RPE65: variants seen among roughly 807,000 people sequenced by gnomAD.
The protein encoded by RPE65 is retinoid isomerohydrolase.
RPE65 carries 58 observed loss-of-function variants against 68.5 expected under a neutral mutation model. That is an observed-to-expected ratio of 0.85 (90% CI 0.69 to 1.05). RPE65 has a LOEUF of 1.05. Among genes scored for constraint, RPE65 ranks in the 50% least tolerant of loss-of-function variants. The probability of loss-of-function intolerance (pLI) is 0.00; values close to 1 mark genes in which losing one functional copy is unlikely to be tolerated. For synonymous variants in RPE65, 220 were observed against 222.2 expected, an observed-to-expected ratio of 0.99 and a Z score of 0.09; for missense variants, 643 against 629.9, an observed-to-expected ratio of 1.02 and a Z score of -0.22.
chr1:68,441,094 C>T (rs1645899599), intron 5 of RPE65, 94 bp from the exon 6 acceptor site: 1 of 1,431,324 alleles, frequency 7.0e-7, no homozygotes, highest in South Asian at 1.2e-5. Context: ...CCCTTGAACT[C>T]TCATCCTAAG....
chr1:68,446,867 T>C lies in RPE65; in HGVS notation c.95-7A>G, dbSNP rs1291492578. ...AGCCAGAGGGGGATCCTGCCTGTGATGAAGGGGAGACAGAACATTGCTTCT... is the reference window on the plus strand; with the variant it reads ...AGCCAGAGGGGGATCCTGCCTGTGACGAAGGGGAGACAGAACATTGCTTCT... On this transcript the variant is annotated splice_polypyrimidine_tract_variant and splice_region_variant and intron_variant, in intron 2 of 13. Transcript: ENST00000262340. The C allele has an allele frequency of 6.2e-7, 1 of 1,613,136 alleles. No individual in the cohort carries two copies. Among genetic ancestry groups the C allele is most frequent in the East Asian group, 2.2e-5 (1 of 44,882 alleles).
At chr1:68,434,539 G>A (rs985024390) in intron 10 of RPE65, among the ~76,000 whole-genome samples, 3 of 152,012 alleles carry the variant, frequency 2.0e-5, no homozygotes, top group East Asian at 3.9e-4. Context: ...TAAGGGACTC[G>A]AGGTACTTAG....
At chr1:68,439,855 C>T (rs971230955) in intron 6 of RPE65, among the ~76,000 whole-genome samples, 5 of 152,114 alleles carry the variant, frequency 3.3e-5, no homozygotes, top group Admixed American at 6.6e-5. Flanking sequence ...GATTTGGAAA[C>T]GTGCACTCAA....
At chr1:68,447,327 A>AG (rs747579085) in intron 2 of RPE65, among the ~76,000 whole-genome samples, 68 of 152,358 alleles carry the variant, frequency 4.5e-4, no homozygotes, top group Non-Finnish European at 7.6e-4. Flanking sequence ...AAATGAAAAA[A>AG]CAGGAATCCT....
intron 10 of RPE65, among the ~76,000 whole-genome samples, chr1:68,433,986 G>A (rs1645843602): frequency 6.6e-6 from 1 of 151,918 alleles, no homozygotes; most frequent in African/African-American, 2.4e-5. Flanking sequence ...GGAAATTGCA[G>A]TAGGGCAAGT....
At chr1:68,435,755 A>G (rs1316507834) in intron 10 of RPE65, among the ~76,000 whole-genome samples, 4 of 152,150 alleles carry the variant, frequency 2.6e-5, no homozygotes, top group Non-Finnish European at 4.4e-5. Context: ...AATCTCCCCT[A>G]CATTATCATC....
intron 1 of RPE65, 148 bp downstream of exon 1, chr1:68,449,747 A>C (rs1645969585): frequency 1.1e-6 from 1 of 876,286 alleles, no homozygotes; most frequent in East Asian, 2.5e-5. Context: ...GCTTTAATAC[A>C]TAAGCAGGAA....
intron 2 of RPE65, among the ~76,000 whole-genome samples, chr1:68,447,634 G>C (rs1645951880): frequency 6.6e-6 from 1 of 152,190 alleles, no homozygotes; most frequent in African/African-American, 2.4e-5. Context: ...GGCCTAGGCG[G>C]GCGGATCACG....
chr1:68,442,220 G>A (rs1571168418), intron 5 of RPE65, among the ~76,000 whole-genome samples: 1 of 152,066 alleles, frequency 6.6e-6, no homozygotes, highest in African/African-American at 2.4e-5. Flanking sequence ...CCCAGACTGA[G>A]GGATGAGGCA....
In RPE65 at chr1:68,437,497, C is replaced by T. The variant is rs937700513; in HGVS notation, c.1128+690G>A. Among the ~76,000 whole-genome samples, 3 of 152,170 alleles carry T rather than the reference C, an allele frequency of 2.0e-5. No homozygotes were observed. The South Asian group carries it at 6.2e-4, about 31-fold the overall frequency. On this transcript the variant is annotated intron_variant, in intron 10 of 13. Coordinates refer to ENST00000262340, the MANE Select transcript of RPE65 (RefSeq NM_000329.3). ...AGCCTTTGGTACAAAGTTTTACATT[C>T]CATGTAGCTGTTTTAATAACCCCTT...
rs2100807262 is a variant in RPE65, at chr1:68,431,273, A to T, written c.1338+9T>A. 1 of 1,613,104 alleles carries T rather than the reference A, an allele frequency of 6.2e-7. No homozygotes were observed. Among genetic ancestry groups the T allele is most frequent in the Non-Finnish European group, 8.5e-7 (1 of 1,179,198 alleles). On this transcript the variant is annotated intron_variant, in intron 12 of 13. Coordinates refer to ENST00000262340, the MANE Select transcript of RPE65 (RefSeq NM_000329.3). ...CACTGTTCAAATATTAGTAAGAAGG[A>T]TTAATTACCCTATCTGGAACAAAGT...
chr1:68,429,890 T>C lies in RPE65; in HGVS notation c.1488A>G (p.Gly496=). The change falls in exon 14 of 14, where the codon GGA becomes GGG. Residue 496 remains glycine, a synonymous_variant. Transcript: ENST00000262340. ...GAATCAGGAGATAAGCAGGCTTTTG[T>C]CCTGCTCCTGGGCTCACCACCACAC... ...VLSVVVSPGA[G]QKPAYLLILN... The C allele has an allele frequency of 6.2e-7, 1 of 1,613,896 alleles. No individual in the cohort carries two copies. Among genetic ancestry groups the C allele is most frequent in the Non-Finnish European group, 8.5e-7 (1 of 1,179,814 alleles).
intron 5 of RPE65, among the ~76,000 whole-genome samples, chr1:68,443,531 T>C (rs567464663): frequency 6.6e-6 from 1 of 152,318 alleles, no homozygotes; most frequent in South Asian, 2.1e-4. Flanking sequence ...CCATCTAGCA[T>C]ATCCTTTCTC....
chr1:68,440,025 A>G (rs879701946), intron 6 of RPE65, among the ~76,000 whole-genome samples: 1 of 152,210 alleles, frequency 6.6e-6, no homozygotes, highest in Non-Finnish European at 1.5e-5. Context: ...GTTTGTGTCA[A>G]TAGCCCTGTA....
chr1:68,440,214 T>C (rs907014042), intron 6 of RPE65, among the ~76,000 whole-genome samples: 2 of 152,216 alleles, frequency 1.3e-5, no homozygotes, highest in Non-Finnish European at 2.9e-5. Context: ...AACAGTTTCC[T>C]AGGTGATGGT....
chr1:68,434,465 A>G (rs1437203589), intron 10 of RPE65, among the ~76,000 whole-genome samples: 1 of 152,114 alleles, frequency 6.6e-6, no homozygotes, highest in East Asian at 1.9e-4. Flanking sequence ...GAAGATTTTC[A>G]GAATAGGGAA....
At chr1:68,436,661 T>C (rs1480738227) in intron 10 of RPE65, among the ~76,000 whole-genome samples, 2 of 151,838 alleles carry the variant, frequency 1.3e-5, no homozygotes, top group African/African-American at 4.8e-5. Flanking sequence ...AAAGATGAGG[T>C]TTCTCCATGT....
chr1:68,446,976 G>A, intron 2 of RPE65, 116 bp from the exon 3 acceptor site: 2 of 1,392,052 alleles, frequency 1.4e-6, no homozygotes, highest in Admixed American at 1.7e-5. Context: ...TCATAGAGCT[G>A]GCAGTGATTT....
intron 10 of RPE65, among the ~76,000 whole-genome samples, chr1:68,432,329 A>G (rs1645832754): frequency 1.3e-5 from 2 of 152,146 alleles, no homozygotes; most frequent in African/African-American, 4.8e-5. Flanking sequence ...AAATTTTATA[A>G]TATACCACAA....
Sources: gnomAD v4.1 joint callset for allele counts (sites outside exome capture counted in the v4.1 genomes callset) on GRCh38, gnomAD v4.1.1 for gene constraint, MANE v1.5 for transcripts, NCBI Gene and HGNC (gene_info 2026-07-23, HGNC 2026-07-21) for gene names.